Variants in RBFOX3 observed in about 807,000 individuals in gnomAD.
RBFOX3 encodes RNA binding protein fox-1 homolog 3.
Under a neutral mutation model 48.7 loss-of-function variants are expected in RBFOX3, and 17 were observed. The observed-to-expected ratio is 0.35, with a 90% CI of 0.24 to 0.52. The LOEUF (loss-of-function observed/expected upper bound fraction) is 0.52, where lower values mean the gene tolerates loss of function less well. Ranked by LOEUF, RBFOX3 falls within the 20% of genes least tolerant of loss-of-function variation. The probability of loss-of-function intolerance (pLI) is 0.94; values close to 1 mark genes in which losing one functional copy is unlikely to be tolerated. For missense variants in RBFOX3, 382 were observed against 497.5 expected (o/e 0.77, Z 2.21); for synonymous variants, 212 against 209.5 (o/e 1.01, Z -0.10).
chr17:79,136,692 G>A (rs747397411), intron 4 of RBFOX3, among the ~76,000 whole-genome samples: 2 of 152,114 alleles, frequency 1.3e-5, no homozygotes, highest in African/African-American at 2.4e-5. Flanking sequence ...ATCCTCACCC[G>A]GAACCGAGCT....
At chr17:79,584,623 C>T (rs1395229162) in intron 1 of RBFOX3, among the ~76,000 whole-genome samples, 11 of 151,898 alleles carry the variant, frequency 7.2e-5, no homozygotes, top group Admixed American at 5.2e-4. Flanking sequence ...TTCACAGCGA[C>T]GTGGATGGAA....
intron 2 of RBFOX3, among the ~76,000 whole-genome samples, chr17:79,329,306 A>G (rs183861656): frequency 3.1e-4 from 47 of 152,212 alleles, no homozygotes; most frequent in African/African-American, 1.1e-3. Flanking sequence ...TGCTTGGTCC[A>G]GTGTACCCGT....
At chr17:79,190,385 T>G (rs1336482665) in intron 4 of RBFOX3, among the ~76,000 whole-genome samples, 2 of 127,986 alleles carry the variant, frequency 1.6e-5, no homozygotes, top group African/African-American at 6.1e-5. Flanking sequence ...CACTCCAGCC[T>G]GGGCAACAAG....
intron 4 of RBFOX3, among the ~76,000 whole-genome samples, chr17:79,219,136 G>C (rs2059412246): frequency 6.6e-6 from 1 of 152,198 alleles, no homozygotes; most frequent in South Asian, 2.1e-4. Flanking sequence ...TGATGGGGCT[G>C]GACTGTGGCC....
chr17:79,476,259 G>A (rs1322195655), intron 2 of RBFOX3, among the ~76,000 whole-genome samples: 3 of 152,236 alleles, frequency 2.0e-5, no homozygotes, highest in Non-Finnish European at 2.9e-5. Flanking sequence ...CTAATTGGGA[G>A]CGGTGTCCTG....
At chr17:79,340,689 T>C (rs1157384312) in intron 2 of RBFOX3, among the ~76,000 whole-genome samples, 3 of 151,896 alleles carry the variant, frequency 2.0e-5, no homozygotes, top group Non-Finnish European at 4.4e-5. Context: ...GCACTTGCAG[T>C]TTTTCATGAC....
At chr17:79,168,810 C>T (rs1478462988) in intron 4 of RBFOX3, among the ~76,000 whole-genome samples, 1 of 152,174 alleles carries the variant, frequency 6.6e-6, no homozygotes, top group Non-Finnish European at 1.5e-5. Flanking sequence ...CCTAGCTCAC[C>T]CTGTCTTCCC....
intron 3 of RBFOX3, among the ~76,000 whole-genome samples, chr17:79,240,469 C>T (rs940864148): frequency 6.6e-6 from 1 of 152,192 alleles, no homozygotes; most frequent in Admixed American, 6.5e-5. Context: ...GTGTCCCCAG[C>T]TCTTTGATAA....
intron 4 of RBFOX3, among the ~76,000 whole-genome samples, chr17:79,149,682 C>T (rs1178770908): frequency 1.3e-5 from 2 of 151,770 alleles, no homozygotes; most frequent in African/African-American, 4.8e-5. Flanking sequence ...TCATGCCCGC[C>T]CGCTCAGGCC....
At chr17:79,172,581 C>T (rs1418873266) in intron 4 of RBFOX3, among the ~76,000 whole-genome samples, 5 of 152,186 alleles carry the variant, frequency 3.3e-5, no homozygotes, top group Admixed American at 1.3e-4. Flanking sequence ...GGAGGGTCTG[C>T]GCTTCTAGCT....
chr17:79,616,275 C>T, the RBFOX3 span, among the ~76,000 whole-genome samples: 2 of 152,100 alleles, frequency 1.3e-5, no homozygotes, highest in Non-Finnish European at 2.9e-5. Flanking sequence ...GTGGCTCACA[C>T]CTGTATTCCT....
chr17:79,555,003 C>T (rs2091507778), intron 1 of RBFOX3, among the ~76,000 whole-genome samples: 1 of 152,280 alleles, frequency 6.6e-6, no homozygotes, highest in South Asian at 2.1e-4. Flanking sequence ...CTGAGGGGAA[C>T]AAAGAGGGTC....
chr17:79,665,529 G>A, the RBFOX3 span, among the ~76,000 whole-genome samples: 1 of 152,224 alleles, frequency 6.6e-6, no homozygotes, highest in Non-Finnish European at 1.5e-5. Flanking sequence ...TATAAGTGGG[G>A]CCTTGTGCCT....
intron 2 of RBFOX3, among the ~76,000 whole-genome samples, chr17:79,399,708 T>C (rs1354006094): frequency 1.3e-5 from 2 of 152,388 alleles, no homozygotes; most frequent in Non-Finnish European, 2.9e-5. Context: ...TTTTAAACTC[T>C]GATGTTCTCA....
chr17:79,472,021 A>T (rs1044177132), intron 2 of RBFOX3, among the ~76,000 whole-genome samples: 3 of 152,220 alleles, frequency 2.0e-5, no homozygotes, highest in Admixed American at 2.0e-4. Flanking sequence ...ACAGGTGACA[A>T]GAGACATGAC....
At chr17:79,384,310 T>C (rs921173875) in intron 2 of RBFOX3, among the ~76,000 whole-genome samples, 1 of 152,048 alleles carries the variant, frequency 6.6e-6, no homozygotes, top group Non-Finnish European at 1.5e-5. Context: ...CAGAGGGAGC[T>C]CTTAGAGGCT....
At chr17:79,625,488 T>G in the RBFOX3 span, among the ~76,000 whole-genome samples, 1 of 152,176 alleles carries the variant, frequency 6.6e-6, no homozygotes, top group African/African-American at 2.4e-5. Context: ...TGCTTTTATT[T>G]TTAAAAATAA....
intron 14 of RBFOX3, among the ~76,000 whole-genome samples, chr17:79,091,552 AG>A (rs1167148502): frequency 6.6e-6 from 1 of 152,182 alleles, no homozygotes; most frequent in African/African-American, 2.4e-5. Context: ...AGTGGCCCGC[AG>A]GCCACAGGGC....
intron 4 of RBFOX3, among the ~76,000 whole-genome samples, chr17:79,182,712 GC>G (rs1401122377): frequency 6.6e-6 from 1 of 151,186 alleles, no homozygotes; most frequent in Non-Finnish European, 1.5e-5. Flanking sequence ...TCTGGCCCCA[GC>G]CCCCTCCCCG....
Sources: gnomAD v4.1 joint callset for allele counts (sites outside exome capture counted in the v4.1 genomes callset) on GRCh38, gnomAD v4.1.1 for gene constraint, MANE v1.5 for transcripts, NCBI Gene and HGNC (gene_info 2026-07-23, HGNC 2026-07-21) for gene names.